The following ZBTB40 variants were observed in gnomAD, a reference collection of about 807,000 sequenced individuals.
ZBTB40 encodes zinc finger and BTB domain containing 40.
Under a neutral mutation model 117.5 loss-of-function variants are expected in ZBTB40, and 60 were observed. The ratio of observed to expected loss-of-function variants is 0.51; its 90% confidence interval spans 0.41 to 0.63. ZBTB40 has a LOEUF of 0.63. Among genes scored for constraint, ZBTB40 ranks in the 30% least tolerant of loss-of-function variants. ZBTB40 has a pLI of 0.00. For missense variants in ZBTB40, 1,287 were observed against 1,498.5 expected, an observed-to-expected ratio of 0.86 and a Z score of 2.33; for synonymous variants, 525 against 577.1, an observed-to-expected ratio of 0.91 and a Z score of 1.29.
chr1:22,465,334 C>G (rs1041031829), intron 1 of ZBTB40, among the ~76,000 whole-genome samples: 1 of 152,186 alleles, frequency 6.6e-6, no homozygotes, highest in Non-Finnish European at 1.5e-5. Context: ...GGTAGCTCCT[C>G]TCTGTAGCTA....
chr1:22,441,434 C>T (rs553736444), intron 1 of ZBTB40, among the ~76,000 whole-genome samples: 71 of 147,304 alleles, frequency 4.8e-4, no homozygotes, highest in Non-Finnish European at 8.9e-4. Context: ...TTTCTGTTCT[C>T]TCTTGTTTCT....
rs565060391 is a variant in ZBTB40, at chr1:22,480,540, C to T, written c.-69-9340C>T. Among the ~76,000 whole-genome samples, 18 of 150,214 alleles carry T rather than the reference C, an allele frequency of 1.2e-4. No individual in the cohort carries two copies. In the East Asian group the frequency reaches 2.3e-3, roughly 19 times the overall value. Reference sequence around the variant, plus strand: ...TCGTTTTTTGTATTTTTAGTAGAGACGGGGTTTCATCGTGTTAGCCAGGAT... The same window carrying T: ...TCGTTTTTTGTATTTTTAGTAGAGATGGGGTTTCATCGTGTTAGCCAGGAT... On this transcript the variant is annotated intron_variant, in intron 1 of 17. Coordinates refer to ENST00000375647, the MANE Select transcript of ZBTB40 (RefSeq NM_014870.4).
At chr1:22,514,947 C>T (rs774929660) in intron 12 of ZBTB40, among the ~76,000 whole-genome samples, 5 of 152,210 alleles carry the variant, frequency 3.3e-5, no homozygotes, top group Non-Finnish European at 5.9e-5. Context: ...ATGGGACTTA[C>T]ATCCCACTGG....
At chr1:22,436,559 A>C (rs951404857) in intron 1 of ZBTB40, among the ~76,000 whole-genome samples, 2 of 152,168 alleles carry the variant, frequency 1.3e-5, no homozygotes, top group Non-Finnish European at 2.9e-5. Flanking sequence ...CATAAACTTT[A>C]TTCATAATAC....
At chr1:22,505,300 G>A (rs1053408426) in intron 5 of ZBTB40, among the ~76,000 whole-genome samples, 6 of 152,172 alleles carry the variant, frequency 3.9e-5, no homozygotes, top group Middle Eastern at 3.2e-3. Flanking sequence ...TAGTTCTATT[G>A]TAATATTAAA....
intron 1 of ZBTB40, among the ~76,000 whole-genome samples, chr1:22,459,812 AT>A (rs1442208894): frequency 6.6e-6 from 1 of 152,142 alleles, no homozygotes; most frequent in East Asian, 1.9e-4. Context: ...TCTTTACCAT[AT>A]TGACTCTTCT....
upstream of ZBTB40, among the ~76,000 whole-genome samples, chr1:22,447,788 G>A (rs1020821647): frequency 6.6e-6 from 1 of 152,150 alleles, no homozygotes; most frequent in African/African-American, 2.4e-5. Context: ...GAGTCATTTG[G>A]CAAATTCCAA....
In ZBTB40 at chr1:22,469,698, C is replaced by G. The variant is rs576128242; in HGVS notation, c.-70+17694C>G. ...CAGCCTCCTGAGTAGCTACCACGCC[C>G]GACTAATTTTTGTATTTTTAGTAGA... On this transcript the variant is annotated intron_variant, in intron 1 of 17. Coordinates refer to ENST00000375647, the MANE Select transcript of ZBTB40 (RefSeq NM_014870.4). Among the ~76,000 whole-genome samples the G allele has an allele frequency of 9.9e-5, 15 of 152,028 alleles. No individual in the cohort carries two copies. The East Asian group carries it at 2.3e-3, about 24-fold the overall frequency.
intron 1 of ZBTB40, among the ~76,000 whole-genome samples, chr1:22,433,457 A>AAAAAAAAAAAAAAAAAAC (rs1640627823): frequency 7.7e-6 from 1 of 130,516 alleles, no homozygotes; most frequent in Non-Finnish European, 1.6e-5. Context: ...AAAAAAAAAA[A>AAAAAAAAAAAAAAAAAAC]GACAGCTAAA....
At position 22,530,106 on chromosome 1, in the gene ZBTB40, T is replaced by A. The variant is rs1417951592; in HGVS notation, c.*3710T>A. On this transcript the variant is annotated 3_prime_UTR_variant, in exon 18 of 18. Coordinates refer to ENST00000375647, the MANE Select transcript of ZBTB40 (RefSeq NM_014870.4). Reference sequence around the variant, plus strand: ...AGGAGGGAGGGAAGTGCTAACCATGTATAGAGTGGGCAGGCGGTTCCAGGG... The same window carrying A: ...AGGAGGGAGGGAAGTGCTAACCATGAATAGAGTGGGCAGGCGGTTCCAGGG... 1 of 152,110 alleles carries A rather than the reference T, an allele frequency of 6.6e-6. No homozygotes were observed. The highest frequency in any genetic ancestry group is 1.5e-5 in the Non-Finnish European group (1 of 68,094). 9.4% of individuals were successfully genotyped at this position (152,110 alleles called of 1,614,324 possible). A position where few individuals can be genotyped will look rare whatever the true frequency, so the allele number is the denominator to read the frequency against.
At chr1:22,522,541 C>A in intron 16 of ZBTB40, 78 bp downstream of exon 16, 1 of 1,418,530 alleles carries the variant, frequency 7.0e-7, no homozygotes, top group Non-Finnish European at 1.0e-6. Context: ...GCTTTGCAAC[C>A]TAGGCTAAAT....
chr1:22,522,068 G>T (rs1368514858), intron 15 of ZBTB40, among the ~76,000 whole-genome samples: 3 of 152,142 alleles, frequency 2.0e-5, no homozygotes, highest in African/African-American at 7.2e-5. Context: ...AGGTAAATTT[G>T]GTGATAATCA....
chr1:22,475,007 C>T (rs1402485747), intron 1 of ZBTB40, among the ~76,000 whole-genome samples: 3 of 151,180 alleles, frequency 2.0e-5, no homozygotes, highest in Non-Finnish European at 2.9e-5. Context: ...TCTCAGACCA[C>T]GGGATAGGTC....
chr1:22,462,295 C>G (rs1298231633), intron 1 of ZBTB40, among the ~76,000 whole-genome samples: 1 of 152,190 alleles, frequency 6.6e-6, no homozygotes, highest in African/African-American at 2.4e-5. Flanking sequence ...CTACCACTCA[C>G]TGGCTTTGTG....
intron 3 of ZBTB40, among the ~76,000 whole-genome samples, chr1:22,494,489 G>GTT (rs1557505622): frequency 6.6e-6 from 1 of 152,136 alleles, no homozygotes; most frequent in East Asian, 1.9e-4. Context: ...TGATTCTTAG[G>GTT]CTGTGTTAGA....
At chr1:22,484,928 G>C (rs981927475) in intron 1 of ZBTB40, among the ~76,000 whole-genome samples, 8 of 152,198 alleles carry the variant, frequency 5.3e-5, no homozygotes, top group African/African-American at 1.9e-4. Context: ...TCTTTAGCCT[G>C]TTGATGCGAT....
Position 22,527,291 on chromosome 1 carries a change from C to A in ZBTB40, c.*895C>A, listed in dbSNP as rs957268512. ...CAGACTGTGACCAGCACCAGGCAGGCAGTCCTGTCTGCGTGTGGAGGAGCA... is the reference window on the plus strand; with the variant it reads ...CAGACTGTGACCAGCACCAGGCAGGAAGTCCTGTCTGCGTGTGGAGGAGCA... On this transcript the variant is annotated 3_prime_UTR_variant, in exon 18 of 18. Coordinates refer to ENST00000375647, the MANE Select transcript of ZBTB40 (RefSeq NM_014870.4). 1 of 152,312 alleles carries A rather than the reference C, an allele frequency of 6.6e-6. No homozygotes were observed. The highest frequency in any genetic ancestry group is 1.5e-5 in the Non-Finnish European group (1 of 68,032). 9.4% of individuals were successfully genotyped at this position (152,312 alleles called of 1,614,324 possible). A position where few individuals can be genotyped will look rare whatever the true frequency, so the allele number is the denominator to read the frequency against.
At chr1:22,454,916 C>T (rs1258961931) in intron 1 of ZBTB40, among the ~76,000 whole-genome samples, 1 of 152,130 alleles carries the variant, frequency 6.6e-6, no homozygotes, top group African/African-American at 2.4e-5. Flanking sequence ...TAACTAATAA[C>T]AAAAATCCAG....
intron 3 of ZBTB40, among the ~76,000 whole-genome samples, chr1:22,497,498 G>T (rs991790255): frequency 2.3e-4 from 35 of 152,282 alleles, no homozygotes; most frequent in African/African-American, 8.2e-4. Flanking sequence ...TCTCCTTTCT[G>T]TTAATGATTA....
Sources: gnomAD v4.1 joint callset for allele counts (sites outside exome capture counted in the v4.1 genomes callset) on GRCh38, gnomAD v4.1.1 for gene constraint, MANE v1.5 for transcripts, NCBI Gene and HGNC (gene_info 2026-07-23, HGNC 2026-07-21) for gene names.